The following PER3 variants were observed in gnomAD, a reference collection of about 807,000 sequenced individuals.
PER3 encodes the protein period circadian regulator 3.
PER3 carries 107 observed loss-of-function variants against 127.2 expected under a neutral mutation model. The ratio of observed to expected loss-of-function variants is 0.84; its 90% confidence interval spans 0.72 to 0.99. PER3 has a LOEUF of 0.99. Ranked by LOEUF, PER3 falls within the 50% of genes least tolerant of loss-of-function variation. The pLI is 0.00. For missense variants in PER3, 1,560 were observed against 1,525.8 expected (o/e 1.02, Z -0.37); for synonymous variants, 618 against 585.8 (o/e 1.05, Z -0.79).
At chr1:7,819,865 C>A (rs1219414069) in intron 14 of PER3, among the ~76,000 whole-genome samples, 2 of 149,030 alleles carry the variant, frequency 1.3e-5, no homozygotes, top group African/African-American at 2.5e-5. Context: ...GACAATTATT[C>A]TTCTTCCAGT....
rs2097083632 is a variant in PER3 at position 7,785,534 on chromosome 1, A to G, written c.222A>G (p.Pro74=). The G allele has an allele frequency of 6.2e-7, 1 of 1,613,278 alleles. No homozygotes were observed. The highest frequency in any genetic ancestry group is 8.5e-7 in the Non-Finnish European group (1 of 1,179,246). Residue 74 remains proline (P), a synonymous_variant, in exon 3 of 22, where the codon CCA becomes CCG. Coordinates refer to ENST00000377532, the MANE Select transcript of PER3 (RefSeq NM_001377275.1). ...KYFPSERRNK[P]STLDALNYAL... ...TCCCCTCGGAGAGACGCAATAAACC[A>G]AGCACTCTAGATGCCCTCAACTATG...
chr1:7,837,669 A>G (rs993258699), intron 21 of PER3, among the ~76,000 whole-genome samples: 1 of 152,228 alleles, frequency 6.6e-6, no homozygotes, highest in Non-Finnish European at 1.5e-5. Flanking sequence ...TGATTTACCA[A>G]TGGTCCCAAC....
chr1:7,814,489 C>T (rs1035280541), intron 13 of PER3, among the ~76,000 whole-genome samples: 1 of 151,934 alleles, frequency 6.6e-6, no homozygotes, highest in Non-Finnish European at 1.5e-5. Context: ...CTAGTGAAAA[C>T]GATATGTAAG....
In PER3 at chr1:7,842,950, A is replaced by G. The variant is rs2151357345; in HGVS notation, c.*195A>G. 1 of 371,490 alleles carries G rather than the reference A, an allele frequency of 2.7e-6. No homozygotes were observed. Among genetic ancestry groups the G allele is most frequent in the East Asian group, 4.4e-5 (1 of 22,828 alleles). The allele number at this position is 371,490 out of a possible 1,614,324, so 23.0% of individuals were successfully genotyped here. ...TCTTACTTCTCTTTGTTCCTGATAT[A>G]TTAAAATGGCCAGTTAGGCTCTTTT... On this transcript the variant is annotated 3_prime_UTR_variant, in exon 22 of 22. Coordinates refer to ENST00000377532, the MANE Select transcript of PER3 (RefSeq NM_001377275.1).
intron 4 of PER3, chr1:7,787,247 G>A: frequency 1.1e-6 from 1 of 887,502 alleles, no homozygotes; most frequent in Non-Finnish European, 1.4e-6. Context: ...TATAGAACAG[G>A]TGAGTTGAGA....
intron 16 of PER3, among the ~76,000 whole-genome samples, chr1:7,821,748 C>G (rs1038022665): frequency 6.6e-6 from 1 of 152,130 alleles, no homozygotes; most frequent in East Asian, 1.9e-4. Flanking sequence ...GATCTTAAAT[C>G]AGCCTCAACA....
At chr1:7,840,653 C>G (rs1485216367) in intron 21 of PER3, among the ~76,000 whole-genome samples, 2 of 151,766 alleles carry the variant, frequency 1.3e-5, no homozygotes, top group Non-Finnish European at 2.9e-5. Flanking sequence ...GACAGTCTCA[C>G]TTTGTCATCC....
At chr1:7,808,354 C>T (rs2097205154) in intron 10 of PER3, among the ~76,000 whole-genome samples, 1 of 151,628 alleles carries the variant, frequency 6.6e-6, no homozygotes, top group African/African-American at 2.4e-5. Flanking sequence ...GTGTGCCATT[C>T]ACTGTATTCA....
At chr1:7,791,749 T>C (rs949017693) in intron 5 of PER3, among the ~76,000 whole-genome samples, 1 of 152,210 alleles carries the variant, frequency 6.6e-6, no homozygotes, top group Non-Finnish European at 1.5e-5. Context: ...AAATCATCTC[T>C]CTCAAGTTCA....
intron 4 of PER3, chr1:7,787,612 A>G (rs1179528562): frequency 6.6e-6 from 2 of 301,584 alleles, no homozygotes; most frequent in African/African-American, 4.5e-5. Context: ...AGTTTCATTT[A>G]TGTGTAATGG....
intron 6 of PER3, among the ~76,000 whole-genome samples, chr1:7,797,875 G>C (rs1276734377): frequency 2.0e-5 from 3 of 152,162 alleles, no homozygotes; most frequent in African/African-American, 4.8e-5. Flanking sequence ...GTAACACCGG[G>C]TGATGATATT....
intron 6 of PER3, among the ~76,000 whole-genome samples, chr1:7,796,576 A>T (rs1274697968): frequency 1.3e-5 from 2 of 151,988 alleles, no homozygotes; most frequent in African/African-American, 4.8e-5. Flanking sequence ...CGGCCTCCCA[A>T]AGTGTTGGGA....
At position 7,803,159 on chromosome 1, in the gene PER3, G is replaced by C. The variant is rs750373276; in HGVS notation, c.979+6G>C. On this transcript the variant is annotated splice_donor_region_variant and intron_variant, in intron 9 of 21. Transcript: ENST00000377532. Reference sequence around the variant, plus strand: ...GGTTGCCATACACCAAAAAGGTCAGGACCTACTCCTTTATAGGAGGAAATA... The same window carrying C: ...GGTTGCCATACACCAAAAAGGTCAGCACCTACTCCTTTATAGGAGGAAATA... 2 of 1,496,580 alleles carry C rather than the reference G, an allele frequency of 1.3e-6. No individual in the cohort carries two copies. Among genetic ancestry groups the C allele is most frequent in the Non-Finnish European group, 9.3e-7 (1 of 1,072,944 alleles). 92.7% of individuals were successfully genotyped at this position (1,496,580 alleles called of 1,614,324 possible).
rs2097305971 is a variant in PER3 at position 7,827,254 on chromosome 1, A to G, written c.2325A>G (p.Ala775=). 4 of 1,613,930 alleles carry G rather than the reference A, an allele frequency of 2.5e-6. No individual in the cohort carries two copies. The highest frequency in any genetic ancestry group is 4.5e-5 in the East Asian group (2 of 44,852). The part of the protein sequence containing the change: ...SGPRRGAHQN[A]QPCCPSAASS... ...CCCGCAGGGGAGCGCATCAGAACGC[A>G]CAGCCCTGCTGCCCCTCCGCGGCCT... Residue 775 remains alanine, a synonymous_variant, in exon 18 of 22, where the codon GCA becomes GCG. Coordinates refer to ENST00000377532, the MANE Select transcript of PER3 (RefSeq NM_001377275.1).
intron 16 of PER3, 124 bp downstream of exon 16, chr1:7,820,764 CT>C: frequency 1.4e-6 from 1 of 739,834 alleles, no homozygotes; most frequent in Non-Finnish European, 2.2e-6. Flanking sequence ...TTTTTCCTTT[CT>C]TTAGTTCAGT....
intron 13 of PER3, among the ~76,000 whole-genome samples, chr1:7,817,755 G>A (rs534601600): frequency 6.6e-6 from 1 of 152,250 alleles, no homozygotes; most frequent in South Asian, 2.1e-4. Context: ...AAAACAGATG[G>A]TTCAGGCAAA....
chr1:7,811,769 T>C (rs567002289), intron 13 of PER3, among the ~76,000 whole-genome samples: 16 of 152,296 alleles, frequency 1.1e-4, no homozygotes, highest in East Asian at 9.6e-4. Context: ...AGTTGCAACA[T>C]AGGAGTCATG....
chr1:7,810,672 A>G (rs954723149), intron 13 of PER3, 84 bp downstream of exon 13: 13 of 1,340,974 alleles, frequency 9.7e-6, no homozygotes, highest in Non-Finnish European at 1.3e-5. Flanking sequence ...TCGTGAGCAT[A>G]AAGTCATGAC....
chr1:7,827,231 C>T lies in PER3; in HGVS notation c.2302C>T (p.Arg768Cys), dbSNP rs766063564. The change falls in exon 18 of 22, where the codon CGC (arginine) becomes TGC (cysteine). Residue 768 changes from arginine to cysteine, a missense_variant. This residue lies in a region of PER3 where 1,332 missense variants were observed against 1,223.6 expected (regional missense o/e 1.09). Coordinates refer to ENST00000377532, the MANE Select transcript of PER3 (RefSeq NM_001377275.1). Reference protein sequence around the residue: ...SSSSNTGSGPRRGAHQNAQPC... With the variant: ...SSSSNTGSGPCRGAHQNAQPC... ...CAGCTCGAACACCGGCTCTGGTCCC[C>T]GCAGGGGAGCGCATCAGAACGCACA... The T allele has an allele frequency of 2.5e-6, 4 of 1,613,844 alleles. No individual in the cohort carries two copies. The highest frequency in any genetic ancestry group is 2.7e-5 in the African/African-American group (2 of 74,928).
Sources: gnomAD v4.1 joint callset for allele counts (sites outside exome capture counted in the v4.1 genomes callset) on GRCh38, gnomAD v4.1.1 for gene constraint, gnomAD v4.1.1 regional missense constraint, MANE v1.5 for transcripts, NCBI Gene and HGNC (gene_info 2026-07-23, HGNC 2026-07-21) for gene names.